The following NRXN2 variants were observed in gnomAD, a reference collection of about 807,000 sequenced individuals.
NRXN2 encodes neurexin-2-beta.
NRXN2 carries 29 observed loss-of-function variants against 128.8 expected under a neutral mutation model. That is an observed-to-expected ratio of 0.23 (90% CI 0.17 to 0.31). NRXN2 has a LOEUF of 0.31. NRXN2 is among the 10% of genes least tolerant of loss of function. The probability of loss-of-function intolerance (pLI) is 1.00; values close to 1 mark genes in which losing one functional copy is unlikely to be tolerated. For synonymous variants in NRXN2, 1,098 were observed against 1,075.2 expected (o/e 1.02, Z -0.41); for missense variants, 1,881 against 2,452.6 (o/e 0.77, Z 4.92).
rs753814951 is a variant in NRXN2 at position 64,697,819 on chromosome 11, C to T, written c.731-27G>A. On this transcript the variant is annotated intron_variant, in intron 2 of 22. Coordinates refer to ENST00000265459, the MANE Select transcript of NRXN2 (RefSeq NM_015080.4). ...TGCAGCCAGCGAGGTTCGGAGAAGA[C>T]GGAGGCAGAGAGAGAAGAAAAAGGA... The T allele has an allele frequency of 5.6e-6, 9 of 1,613,070 alleles. No individual in the cohort carries two copies. In the Admixed American group the frequency reaches 8.3e-5, roughly 15 times the overall value.
intron 15 of NRXN2, 52 bp downstream of exon 15, chr11:64,650,396 G>T: frequency 1.3e-6 from 2 of 1,590,744 alleles, no homozygotes; most frequent in Non-Finnish European, 8.6e-7. Context: ...TCTCGCTGGG[G>T]TGAGGGGTAT....
chr11:64,702,543 G>A (rs1007803908), intron 2 of NRXN2, among the ~76,000 whole-genome samples: 37 of 151,960 alleles, frequency 2.4e-4, no homozygotes, highest in Non-Finnish European at 4.9e-4. Flanking sequence ...TATCCACTCA[G>A]GGTTGAATGG....
intron 11 of NRXN2, among the ~76,000 whole-genome samples, chr11:64,654,791 G>T (rs2048012960): frequency 6.6e-6 from 1 of 152,238 alleles, no homozygotes; most frequent in Non-Finnish European, 1.5e-5. Flanking sequence ...ACTGGCTGGA[G>T]CTGCAGAAAT....
intron 22 of NRXN2, among the ~76,000 whole-genome samples, chr11:64,612,708 C>T (rs2040865037): frequency 6.6e-6 from 1 of 152,244 alleles, no homozygotes; most frequent in Non-Finnish European, 1.5e-5. Flanking sequence ...GGTGTGCCCA[C>T]CCCCAAAGGG....
Position 64,660,745 on chromosome 11 carries a change from A to G in NRXN2, c.2185+8T>C, listed in dbSNP as rs1465104091. Reference sequence around the variant, plus strand: ...AGCAGGGACACCTAGGATGAAGACCAGCCTCACCTCTCTCACAGACCCGCC... The same window carrying G: ...AGCAGGGACACCTAGGATGAAGACCGGCCTCACCTCTCTCACAGACCCGCC... On this transcript the variant is annotated splice_region_variant and intron_variant, in intron 10 of 22. Coordinates refer to ENST00000265459, the MANE Select transcript of NRXN2 (RefSeq NM_015080.4). This position sits in a 1 kb window ranked among gnomAD's most constrained non-coding sequence, Gnocchi z 5.2. 3.1e-6 allele frequency: 5 copies of G among 1,609,870 alleles called. No homozygotes were observed. Among genetic ancestry groups the G allele is most frequent in the Non-Finnish European group, 4.2e-6 (5 of 1,179,992 alleles).
At chr11:64,712,157 A>G (rs1270090772) in intron 2 of NRXN2, among the ~76,000 whole-genome samples, 6 of 142,902 alleles carry the variant, frequency 4.2e-5, no homozygotes, top group African/African-American at 1.6e-4. Context: ...CTTTCCACAC[A>G]GGCCCCACTC....
Position 64,685,010 on chromosome 11 carries a change from G to T in NRXN2, c.1152+636C>A, listed in dbSNP as rs2052811117. ...GAGAAGGAAAAGAAGGGCATGTCCT[G>T]CCCAGAGGAGATGAAGGGCCAAGCC... On this transcript the variant is annotated intron_variant, in intron 6 of 22. Transcript: ENST00000265459. Among the ~76,000 whole-genome samples, 5 of 152,184 alleles carry T rather than the reference G, an allele frequency of 3.3e-5. No individual in the cohort carries two copies. The South Asian group carries it at 1.0e-3, about 31-fold the overall frequency.
At position 64,652,485 on chromosome 11, in the gene NRXN2, G is replaced by A. The variant is rs368478015; in HGVS notation, c.2417-331C>T. On this transcript the variant is annotated intron_variant, in intron 12 of 22. Transcript: ENST00000265459. ...TGGTGCCTCTGGAGTTGTACCCTGA[G>A]GCCCTGCACACAGACACCCACACCT... 1.8e-4 allele frequency among the ~76,000 whole-genome samples: 27 copies of A among 152,200 alleles called. No individual in the cohort carries two copies. The East Asian group carries it at 4.8e-3, about 27-fold the overall frequency.
intron 22 of NRXN2, among the ~76,000 whole-genome samples, chr11:64,609,909 C>T (rs68036074): frequency 0.021 from 3,126 of 152,174 alleles, 56 homozygotes; most frequent in Middle Eastern, 0.078. Flanking sequence ...ACCCCAGGGC[C>T]TCCACTGCCA....
At chr11:64,645,136 C>T (rs1346688475) in intron 17 of NRXN2, among the ~76,000 whole-genome samples, 1 of 152,210 alleles carries the variant, frequency 6.6e-6, no homozygotes, top group East Asian at 1.9e-4. Flanking sequence ...CCAGAGGCCA[C>T]GTCCTCCTGC....
At chr11:64,665,006 G>C (rs1249193691) in intron 9 of NRXN2, among the ~76,000 whole-genome samples, 1 of 149,310 alleles carries the variant, frequency 6.7e-6, no homozygotes, top group Non-Finnish European at 1.5e-5. Context: ...AAAAAGGCCG[G>C]GCGCGGTGGC....
At chr11:64,718,313 A>C (rs1010849648) in intron 1 of NRXN2, among the ~76,000 whole-genome samples, 9 of 151,648 alleles carry the variant, frequency 5.9e-5, no homozygotes, top group African/African-American at 2.2e-4. Flanking sequence ...GCCCATACAC[A>C]CACCTCCAGC....
intron 7 of NRXN2, among the ~76,000 whole-genome samples, chr11:64,674,949 C>T (rs1465393706): frequency 6.6e-6 from 1 of 152,228 alleles, no homozygotes; most frequent in Non-Finnish European, 1.5e-5. Flanking sequence ...CTTTAGTAGA[C>T]TCAGCCCATG....
intron 7 of NRXN2, among the ~76,000 whole-genome samples, chr11:64,669,749 G>A (rs986692072): frequency 2.6e-5 from 4 of 152,208 alleles, no homozygotes; most frequent in Non-Finnish European, 5.9e-5. Flanking sequence ...AAGGGCCAAG[G>A]GCTATGAGAC....
chr11:64,684,390 A>G (rs2052724346), intron 6 of NRXN2, among the ~76,000 whole-genome samples: 1 of 152,194 alleles, frequency 6.6e-6, no homozygotes. Context: ...GGAGCCCCGC[A>G]TTAAGGAGTG....
intron 2 of NRXN2, among the ~76,000 whole-genome samples, chr11:64,707,868 C>T (rs566368369): frequency 2.6e-4 from 39 of 152,216 alleles, no homozygotes; most frequent in Non-Finnish European, 4.1e-4. Flanking sequence ...CCAAGGCAGG[C>T]GGATCACCTG....
chr11:64,668,490 G>A lies in NRXN2; in HGVS notation c.1312C>T (p.Leu438=). The A allele has an allele frequency of 1.2e-6, 2 of 1,614,132 alleles. No homozygotes were observed. The highest frequency in any genetic ancestry group is 1.7e-6 in the Non-Finnish European group (2 of 1,180,030). ...TTGTTGCTGACGGGCGAGCCCGGCA[G>A]GTCAGCTGTGTTGGGGCTGCCCCCA... ...YIGGSPNTAD[L]PGSPVSNNFM... Residue 438 remains leucine (L), a synonymous_variant, in exon 8 of 23, where the codon CTG becomes TTG. Coordinates refer to ENST00000265459, the MANE Select transcript of NRXN2 (RefSeq NM_015080.4).
chr11:64,685,664 G>A lies in NRXN2; in HGVS notation c.1134C>T (p.Val378=). ...FNDNAWHDVR[V]TRNLRQHAGI... is the part of the protein sequence containing the mutation. ...CTCCTACCTGGCGCAGGTTTCGGGT[G>A]ACCCGGACGTCGTGCCAGGCGTTGT... is the stretch of plus-strand genomic sequence containing the variant. Residue 378 remains valine (V), a synonymous_variant, in exon 6 of 23, where the codon GTC becomes GTT. Coordinates refer to ENST00000265459, the MANE Select transcript of NRXN2 (RefSeq NM_015080.4). 1 of 1,614,198 alleles carries A rather than the reference G, an allele frequency of 6.2e-7. No homozygotes were observed. The highest frequency in any genetic ancestry group is 8.5e-7 in the Non-Finnish European group (1 of 1,180,044).
At chr11:64,634,113 C>T (rs1375453315) in intron 18 of NRXN2, among the ~76,000 whole-genome samples, 1 of 152,176 alleles carries the variant, frequency 6.6e-6, no homozygotes, top group Non-Finnish European at 1.5e-5. Flanking sequence ...CCCCTGGCTT[C>T]CTCTCTCCCC....
Sources: allele counts gnomAD v4.1 joint callset (sites outside exome capture counted in the v4.1 genomes callset), GRCh38; gene constraint gnomAD v4.1.1; non-coding constraint Gnocchi (gnomAD v3.1); transcripts MANE v1.5; gene names NCBI Gene and HGNC (gene_info 2026-07-23, HGNC 2026-07-21).